COL20A1: variants seen among roughly 807,000 people sequenced by gnomAD.
COL20A1 encodes collagen alpha-1(XX) chain.
Under a neutral mutation model 152.9 loss-of-function variants are expected in COL20A1, and 164 were observed. The ratio of observed to expected loss-of-function variants is 1.07; its 90% CI spans 0.94 to 1.22. COL20A1 has a LOEUF of 1.22. Ranked by LOEUF, COL20A1 falls within the 50% of genes most tolerant of loss-of-function variation. The pLI, the probability that COL20A1 is intolerant of heterozygous loss-of-function variation, is 0.00. For missense variants in COL20A1, 1,873 were observed against 1,744.8 expected, an observed-to-expected ratio of 1.07 and a Z score of -1.31; for synonymous variants, 864 against 756.0, an observed-to-expected ratio of 1.14 and a Z score of -2.34.
chr20:63,303,991 G>A, intron 3 of COL20A1, among the ~76,000 whole-genome samples: 1 of 143,564 alleles, frequency 7.0e-6, no homozygotes, highest in East Asian at 2.1e-4. Context: ...AGGTGCGCAG[G>A]TGTGGGTTCC....
At chr20:63,318,925 A>G in intron 21 of COL20A1, 133 bp from the exon 22 acceptor site, 1 of 693,292 alleles carries the variant, frequency 1.4e-6, no homozygotes, top group Non-Finnish European at 2.5e-6. Flanking sequence ...GTGCGGGTGC[A>G]GGGGTCCACC....
intron 6 of COL20A1, 100 bp from the exon 7 acceptor site, chr20:63,307,871 C>A: frequency 6.9e-7 from 1 of 1,443,416 alleles, no homozygotes; most frequent in Non-Finnish European, 9.5e-7. Context: ...CCAGGTGACC[C>A]CACAGAGGCA....
At chr20:63,295,915 C>T (rs2067787814) in intron 2 of COL20A1, among the ~76,000 whole-genome samples, 5 of 152,288 alleles carry the variant, frequency 3.3e-5, no homozygotes, top group South Asian at 2.1e-4. Flanking sequence ...CTGCAAGCTC[C>T]TGGGAGGTTC....
chr20:63,312,456 G>A lies in COL20A1; in HGVS notation c.1840G>A (p.Gly614Arg). The change falls in exon 15 of 36, where the codon GGG (glycine) becomes AGG (arginine). Residue 614 changes from glycine to arginine, a missense_variant. Transcript: ENST00000358894. ...APGNATSATLGPLSSSTTYTV... is the reference protein window; with the variant it reads ...APGNATSATLRPLSSSTTYTV... ...TGGGAACGCCACCTCGGCCACGCTG[G>A]GGCCTCTCTCTTCCTCCACCACCTA... 2 of 1,606,748 alleles carry A rather than the reference G, an allele frequency of 1.2e-6. No individual in the cohort carries two copies. Among genetic ancestry groups the A allele is most frequent in the Middle Eastern group, 2.0e-4 (1 of 4,898 alleles).
intron 3 of COL20A1, among the ~76,000 whole-genome samples, chr20:63,298,729 T>G (rs926632279): frequency 6.6e-6 from 1 of 152,186 alleles, no homozygotes; most frequent in African/African-American, 2.4e-5. Flanking sequence ...AGCAGGGCCT[T>G]GAGGACACCT....
intron 26 of COL20A1, among the ~76,000 whole-genome samples, chr20:63,321,483 G>C (rs1435852723): frequency 2.0e-5 from 3 of 152,228 alleles, no homozygotes; most frequent in Non-Finnish European, 4.4e-5. Context: ...ACGGATCCAG[G>C]CGCAACTGGG....
chr20:63,320,517 C>T (rs1008574943), intron 25 of COL20A1, 149 bp downstream of exon 25: 2 of 793,020 alleles, frequency 2.5e-6, no homozygotes, highest in Non-Finnish European at 4.1e-6. Context: ...AGCCTCAGGG[C>T]CAGTGGATGA....
rs543337460 is a variant in COL20A1, at chr20:63,322,804, G to A, written c.3294+693G>A. On this transcript the variant is annotated intron_variant, in intron 27 of 35. Coordinates refer to ENST00000358894, the MANE Select transcript of COL20A1 (RefSeq NM_020882.4). The stretch of plus-strand genomic sequence containing the variant: ...CGACCCCGACACCCACCTCTCCCCC[G>A]GCAGCCTTCCAGCGAGTTCCACATC... Among the ~76,000 whole-genome samples the A allele has an allele frequency of 1.2e-3, 176 of 152,344 alleles. 1 individual carries two copies. Among genetic ancestry groups the A allele is most frequent in the Admixed American group, 2.4e-3 (36 of 15,310 alleles).
intron 29 of COL20A1, 45 bp downstream of exon 29, chr20:63,325,766 T>G: frequency 6.4e-7 from 1 of 1,560,782 alleles, no homozygotes; most frequent in African/African-American, 1.4e-5. Flanking sequence ...TGGTAGAGAC[T>G]GGCCTGGGGA....
intron 3 of COL20A1, among the ~76,000 whole-genome samples, chr20:63,301,681 GC>G (rs1169138345): frequency 6.6e-6 from 1 of 152,032 alleles, no homozygotes; most frequent in African/African-American, 2.4e-5. Flanking sequence ...TCTCTCTAGT[GC>G]TGTTTTTTTC....
Position 63,312,860 on chromosome 20 carries a change from G to T in COL20A1, c.2002G>T (p.Val668Leu). The T allele has an allele frequency of 6.4e-7, 1 of 1,557,234 alleles. No individual in the cohort carries two copies. Residue 668 changes from valine to leucine, a missense_variant, in exon 16 of 36, where the codon GTG becomes TTG. Transcript: ENST00000358894. Reference sequence around the variant, plus strand: ...AGGGGATGCAGTCCAGCTGGCGTGGGTGGCCGCAGCCCCGTCTGGCGTGCT... The same window carrying T: ...AGGGGATGCAGTCCAGCTGGCGTGGTTGGCCGCAGCCCCGTCTGGCGTGCT... ...LPGDAVQLAW[V>L]AAAPSGVLVY...
chr20:63,312,390 C>A (rs770752330), intron 14 of COL20A1, 30 bp from the exon 15 acceptor site: 3 of 1,528,460 alleles, frequency 2.0e-6, no homozygotes, highest in South Asian at 2.5e-5. Flanking sequence ...ACCAGCTGGG[C>A]CTGCCATGTC....
intron 9 of COL20A1, 28 bp from the exon 10 acceptor site, chr20:63,309,730 C>T: frequency 2.0e-6 from 3 of 1,527,584 alleles, no homozygotes; most frequent in Non-Finnish European, 2.6e-6. Context: ...CAGTGACCAC[C>T]TGCCCCCCAC....
At position 63,305,869 on chromosome 20, in the gene COL20A1, G is replaced by C. The variant is rs1425468815; in HGVS notation, c.338-12G>C. On this transcript the variant is annotated splice_polypyrimidine_tract_variant and intron_variant, in intron 4 of 35. Transcript: ENST00000358894. This position sits in a 1 kb window ranked among gnomAD's most constrained non-coding sequence, Gnocchi z 4.9. Reference sequence around the variant, plus strand: ...CACTCCCACCCTGATGGCTCTTTGTGTCTCCCTGCAGTTGAGGATCTGAAG... The same window carrying C: ...CACTCCCACCCTGATGGCTCTTTGTCTCTCCCTGCAGTTGAGGATCTGAAG... 6.2e-7 allele frequency: 1 copy of C among 1,612,872 alleles called. No individual in the cohort carries two copies. Among genetic ancestry groups the C allele is most frequent in the Non-Finnish European group, 8.5e-7 (1 of 1,179,704 alleles).
intron 1 of COL20A1, among the ~76,000 whole-genome samples, 174 bp downstream of exon 1, chr20:63,293,449 C>T (rs1452365312): frequency 2.0e-5 from 3 of 152,080 alleles, no homozygotes; most frequent in Non-Finnish European, 4.4e-5. Flanking sequence ...CCAGGAGGGG[C>T]CGGGGCAGTG....
chr20:63,310,950 C>T (rs2067997085), intron 11 of COL20A1, among the ~76,000 whole-genome samples: 1 of 152,118 alleles, frequency 6.6e-6, no homozygotes, highest in Non-Finnish European at 1.5e-5. Flanking sequence ...ATATTCAGAG[C>T]TGTCACCCAT....
At chr20:63,317,561 C>T (rs1423999956) in intron 21 of COL20A1, among the ~76,000 whole-genome samples, 1 of 151,880 alleles carries the variant, frequency 6.6e-6, no homozygotes, top group African/African-American at 2.4e-5. Flanking sequence ...AAAAGCTCAC[C>T]TAGCACTGTT....
chr20:63,320,402 C>G, intron 25 of COL20A1, 34 bp downstream of exon 25: 1 of 1,588,656 alleles, frequency 6.3e-7, no homozygotes, highest in Non-Finnish European at 8.6e-7. Flanking sequence ...TTCCACGAAG[C>G]AAGTTAGGGC....
chr20:63,299,467 C>T (rs758052253), intron 3 of COL20A1, among the ~76,000 whole-genome samples: 13 of 152,236 alleles, frequency 8.5e-5, no homozygotes, highest in South Asian at 2.1e-4. Flanking sequence ...CTGTAATTTA[C>T]GTGCAGAAAT....
Sources: gnomAD v4.1 joint callset for allele counts (sites outside exome capture counted in the v4.1 genomes callset) on GRCh38, gnomAD v4.1.1 for gene constraint, Gnocchi (gnomAD v3.1) non-coding constraint, MANE v1.5 for transcripts, NCBI Gene and HGNC (gene_info 2026-07-23, HGNC 2026-07-21) for gene names.